NCOA6: variants seen among roughly 807,000 people sequenced by gnomAD.
NCOA6 encodes the protein nuclear receptor coactivator 6, also known as NRC RAP250.
In NCOA6, 49 loss-of-function variants were observed where a neutral mutation model predicts 171.4. The observed-to-expected ratio is 0.29, with a 90% confidence interval of 0.23 to 0.36. The LOEUF (loss-of-function observed/expected upper bound fraction) is 0.36. NCOA6 is among the 10% of genes least tolerant of loss of function. The pLI is 1.00. For synonymous variants in NCOA6, 910 were observed against 927.5 expected (o/e 0.98, Z 0.34); for missense variants, 2,248 against 2,554.5 (o/e 0.88, Z 2.59).
In NCOA6 at chr20:34,754,727, T is replaced by A; in HGVS notation, c.1670A>T (p.His557Leu). 1 of 1,614,182 alleles carries A rather than the reference T, an allele frequency of 6.2e-7. No homozygotes were observed. Among genetic ancestry groups the A allele is most frequent in the South Asian group, 1.1e-5 (1 of 91,086 alleles). Residue 557 changes from histidine (H) to leucine (L), a missense_variant, in exon 8 of 15, where the codon CAT (histidine) becomes CTT (leucine). Around this residue, in one of 7 missense-constraint regions of NCOA6, gnomAD observed 987 missense variants for 1,104.7 expected, o/e 0.89. Transcript: ENST00000359003. ...PQLQANQNVQ[H>L]AGGQGAGPPQ... ...ACAAATCACAGAAAACAAACCTGCA[T>A]GCTGGACATTTTGATTTGCTTGCAG...
chr20:34,768,153 T>C (rs549021851), intron 5 of NCOA6, among the ~76,000 whole-genome samples: 29 of 152,264 alleles, frequency 1.9e-4, no homozygotes, highest in Non-Finnish European at 3.1e-4. Context: ...ATTAAAATAA[T>C]GAGGGTAGAA....
chr20:34,791,989 G>A (rs2077900785), intron 2 of NCOA6, among the ~76,000 whole-genome samples: 1 of 152,156 alleles, frequency 6.6e-6, no homozygotes, highest in South Asian at 2.1e-4. Flanking sequence ...CAAAAGCTAG[G>A]AGGGAGGGAA....
At chr20:34,735,940 A>AC (rs1448540523) in intron 12 of NCOA6, among the ~76,000 whole-genome samples, 1 of 151,576 alleles carries the variant, frequency 6.6e-6, no homozygotes, top group Admixed American at 6.6e-5. Flanking sequence ...GACCAGTCAT[A>AC]CTTTTTTTTT....
In NCOA6 at chr20:34,782,110, A is replaced by C. The variant is rs776455377; in HGVS notation, c.235+11T>G. Reference sequence around the variant, plus strand: ...CAGTAACAGGAAGAAAAAATAATTAAAGCAAATTACCCATGTGTAACAAAT... The same window carrying C: ...CAGTAACAGGAAGAAAAAATAATTACAGCAAATTACCCATGTGTAACAAAT... On this transcript the variant is annotated intron_variant, in intron 3 of 14. Coordinates refer to ENST00000359003, the MANE Select transcript of NCOA6 (RefSeq NM_014071.5). 1 of 1,520,618 alleles carries C rather than the reference A, an allele frequency of 6.6e-7. No individual in the cohort carries two copies. The highest frequency in any genetic ancestry group is 1.2e-5 in the South Asian group (1 of 82,702). The allele number at this position is 1,520,618 out of a possible 1,614,324, so 94.2% of individuals were successfully genotyped here.
intron 7 of NCOA6, 84 bp from the exon 8 acceptor site, chr20:34,754,952 TGCATGAAGTCTCCACTG>T: frequency 7.0e-7 from 1 of 1,422,332 alleles, no homozygotes. Context: ...AAGGATGAGC[TGCATGAAGTCTCCACTG>T]GCTTAGCTCT....
chr20:34,800,518 C>A (rs1473577573), intron 1 of NCOA6, among the ~76,000 whole-genome samples: 2 of 151,876 alleles, frequency 1.3e-5, no homozygotes, highest in African/African-American at 4.8e-5. Context: ...CGCATACAGA[C>A]TGAAAACAAA....
In NCOA6 at chr20:34,740,492, C is replaced by G. The variant is rs761632621; in HGVS notation, c.5764G>C (p.Val1922Leu). ...TSVRSIVTTLVPSELISAVPT... is the reference protein window; with the variant it reads ...TSVRSIVTTLLPSELISAVPT... ...ACGGCGGAGATGAGCTCGGAGGGTA[C>G]CAGAGTGGTTACTATCGAGCGTACA... Residue 1922 changes from valine to leucine, a missense_variant, in exon 11 of 15, where the codon GTA (valine) becomes CTA (leucine). Val to Leu is a conservative substitution (Grantham distance 32). This residue lies in a region of NCOA6 where 884 missense variants were observed against 941.9 expected (regional missense o/e 0.94). Coordinates refer to ENST00000359003, the MANE Select transcript of NCOA6 (RefSeq NM_014071.5). The G allele has an allele frequency of 6.2e-7, 1 of 1,614,142 alleles. No individual in the cohort carries two copies. Among genetic ancestry groups the G allele is most frequent in the South Asian group, 1.1e-5 (1 of 91,084 alleles).
At chr20:34,804,446 G>A (rs2078373457) in intron 1 of NCOA6, among the ~76,000 whole-genome samples, 1 of 150,344 alleles carries the variant, frequency 6.7e-6, no homozygotes, top group East Asian at 2.0e-4. Flanking sequence ...GGTTGAGGCT[G>A]CAGTGAGCCA....
intron 5 of NCOA6, among the ~76,000 whole-genome samples, chr20:34,766,144 A>G (rs920681169): frequency 3.3e-5 from 5 of 152,234 alleles, no homozygotes; most frequent in African/African-American, 1.2e-4. Context: ...GCTTGGCAGT[A>G]AAGAGAGATA....
chr20:34,759,003 A>C, intron 5 of NCOA6, 70 bp from the exon 6 acceptor site: 2 of 1,508,572 alleles, frequency 1.3e-6, no homozygotes, highest in Non-Finnish European at 1.8e-6. Context: ...AGTTATTTCA[A>C]GAATATGAAA....
chr20:34,728,313 TA>T (rs1397980526), intron 13 of NCOA6, among the ~76,000 whole-genome samples: 2 of 152,200 alleles, frequency 1.3e-5, no homozygotes, highest in Non-Finnish European at 2.9e-5. Context: ...TATGAAGATT[TA>T]AAATTGGTAA....
At chr20:34,729,579 G>A (rs1332132448) in intron 13 of NCOA6, among the ~76,000 whole-genome samples, 1 of 151,212 alleles carries the variant, frequency 6.6e-6, no homozygotes, top group African/African-American at 2.4e-5. Context: ...AAACAATACT[G>A]GTCAAAAGGC....
intron 5 of NCOA6, among the ~76,000 whole-genome samples, chr20:34,764,224 A>T (rs2145907380): frequency 6.6e-6 from 1 of 152,014 alleles, no homozygotes; most frequent in East Asian, 2.0e-4. Context: ...AGCAGCTGGG[A>T]CTACAGGCGT....
chr20:34,800,146 GTGT>G (rs566214809), intron 1 of NCOA6, among the ~76,000 whole-genome samples: 7 of 152,104 alleles, frequency 4.6e-5, no homozygotes, highest in African/African-American at 1.2e-4. Context: ...TATGCAATCA[GTGT>G]TGTTATCAGT....
intron 3 of NCOA6, among the ~76,000 whole-genome samples, chr20:34,780,819 A>G (rs761233125): frequency 1.3e-4 from 19 of 151,562 alleles, no homozygotes; most frequent in Non-Finnish European, 2.1e-4. Context: ...ATACCCAACT[A>G]ATTTTTGTAT....
At chr20:34,766,151 G>T (rs1600922775) in intron 5 of NCOA6, among the ~76,000 whole-genome samples, 1 of 152,146 alleles carries the variant, frequency 6.6e-6, no homozygotes, top group East Asian at 1.9e-4. Context: ...AGTAAAGAGA[G>T]ATATCTTGGG....
intron 14 of NCOA6, among the ~76,000 whole-genome samples, chr20:34,719,421 A>C (rs1009820835): frequency 6.6e-6 from 1 of 152,170 alleles, no homozygotes; most frequent in African/African-American, 2.4e-5. Context: ...ACTTGAGGTC[A>C]GGAGTTCAAG....
chr20:34,758,125 A>C (rs201028259), intron 6 of NCOA6, 21 bp from the exon 7 acceptor site: 2 of 1,581,570 alleles, frequency 1.3e-6, no homozygotes, highest in African/African-American at 1.3e-5. Context: ...ATAGTCAACA[A>C]AGCAATAATT....
intron 2 of NCOA6, 69 bp from the exon 3 acceptor site, chr20:34,782,473 T>C: frequency 2.6e-6 from 1 of 387,180 alleles, no homozygotes; most frequent in Non-Finnish European, 4.5e-6. Context: ...TAATTCATAG[T>C]TCTATGAAAA....
Sources: gnomAD v4.1 joint callset for allele counts (sites outside exome capture counted in the v4.1 genomes callset) on GRCh38, gnomAD v4.1.1 for gene constraint, gnomAD v4.1.1 regional missense constraint, MANE v1.5 for transcripts, NCBI Gene and HGNC (gene_info 2026-07-23, HGNC 2026-07-21) for gene names.